INTS9: variants seen among roughly 807,000 people sequenced by gnomAD.
INTS9 encodes integrator complex subunit 9, also known as protein related to CPSF subunits of 74 kDa.
Under a neutral mutation model 79.7 loss-of-function variants are expected in INTS9, and 55 were observed. The ratio of observed to expected loss-of-function variants is 0.69; its 90% confidence interval spans 0.56 to 0.86. The LOEUF (loss-of-function observed/expected upper bound fraction) is 0.86, where lower values mean the gene tolerates loss of function less well. INTS9 is among the 40% of genes least tolerant of loss of function. The pLI is 0.00. For missense variants in INTS9, 721 were observed against 831.5 expected (o/e 0.87, Z 1.64); for synonymous variants, 319 against 325.2 (o/e 0.98, Z 0.20).
At chr8:28,850,564 T>C (rs553212712) in intron 2 of INTS9, among the ~76,000 whole-genome samples, 1 of 152,356 alleles carries the variant, frequency 6.6e-6, no homozygotes, top group East Asian at 1.9e-4. Flanking sequence ...GAAAGCCTTT[T>C]ATAATTGTCC....
intron 6 of INTS9, among the ~76,000 whole-genome samples, chr8:28,832,300 G>A (rs1483974666): frequency 6.6e-6 from 1 of 152,152 alleles, no homozygotes; most frequent in Non-Finnish European, 1.5e-5. Flanking sequence ...GATCAAGGAG[G>A]CCATTCACAT....
intron 12 of INTS9, among the ~76,000 whole-genome samples, chr8:28,779,455 A>G (rs1803106605): frequency 6.6e-6 from 1 of 152,164 alleles, no homozygotes; most frequent in Admixed American, 6.5e-5. Flanking sequence ...ACAATGATGG[A>G]TCCGGCCAAA....
At position 28,815,723 on chromosome 8, in the gene INTS9, C is replaced by T. The variant is rs73669453; in HGVS notation, c.489-2111G>A. On this transcript the variant is annotated intron_variant, in intron 6 of 16. Transcript: ENST00000521022. ...AAGAGATTTAAACAATTCAAAAGAA[C>T]CTAACAAATGTTGAAGACAGATAAG... Among the ~76,000 whole-genome samples the T allele has an allele frequency of 8.8e-3, 1,332 of 152,096 alleles. 19 individuals carry two copies. Among genetic ancestry groups the T allele is most frequent in the African/African-American group, 0.029 (1,210 of 41,496 alleles).
At chr8:28,855,191 A>C (rs1214414920) in intron 2 of INTS9, among the ~76,000 whole-genome samples, 1 of 152,218 alleles carries the variant, frequency 6.6e-6, no homozygotes, top group African/African-American at 2.4e-5. Flanking sequence ...CTGGAGAAAC[A>C]ATACATGTGA....
intron 5 of INTS9, among the ~76,000 whole-genome samples, 189 bp from the exon 6 acceptor site, chr8:28,835,567 AT>A (rs1806764072): frequency 6.6e-6 from 1 of 152,180 alleles, no homozygotes; most frequent in Non-Finnish European, 1.5e-5. Flanking sequence ...TCACTTTCTT[AT>A]TGCATTTCCA....
At chr8:28,840,592 C>A in intron 4 of INTS9, among the ~76,000 whole-genome samples, 1 of 133,632 alleles carries the variant, frequency 7.5e-6, no homozygotes, top group Non-Finnish European at 1.6e-5. Context: ...CACATATACA[C>A]CATGGAATAC....
At chr8:28,826,991 A>G (rs1343604617) in intron 6 of INTS9, among the ~76,000 whole-genome samples, 1 of 152,094 alleles carries the variant, frequency 6.6e-6, no homozygotes, top group Non-Finnish European at 1.5e-5. Flanking sequence ...TGCTTCCTCT[A>G]TCTCCTAACA....
Position 28,812,470 on chromosome 8 carries a change from G to A in INTS9, c.610-9C>T. On this transcript the variant is annotated splice_polypyrimidine_tract_variant and intron_variant, in intron 7 of 16. Transcript: ENST00000521022. Reference sequence around the variant, plus strand: ...ACCGCACCAAAAAGCTCCTAAAAGAGAACCACAGTAAGAATGTGCAATGAG... The same window carrying A: ...ACCGCACCAAAAAGCTCCTAAAAGAAAACCACAGTAAGAATGTGCAATGAG... The A allele has an allele frequency of 1.9e-6, 3 of 1,612,610 alleles. No homozygotes were observed. The highest frequency in any genetic ancestry group is 2.5e-6 in the Non-Finnish European group (3 of 1,179,548).
intron 1 of INTS9, among the ~76,000 whole-genome samples, chr8:28,874,500 A>G (rs1460038059): frequency 2.6e-5 from 4 of 151,948 alleles, no homozygotes; most frequent in Non-Finnish European, 5.9e-5. Context: ...TCACTGTGTT[A>G]GTCAGGATGG....
intron 1 of INTS9, among the ~76,000 whole-genome samples, chr8:28,868,628 T>C (rs1167793297): frequency 6.6e-6 from 1 of 152,224 alleles, no homozygotes; most frequent in Non-Finnish European, 1.5e-5. Flanking sequence ...AATGAATCCC[T>C]AAATTCTATG....
Position 28,796,592 on chromosome 8 carries a change from G to A in INTS9, c.808C>T (p.Pro270Ser). The change falls in exon 9 of 17, where the codon CCC becomes TCC. Residue 270 changes from proline (P) to serine (S), a missense_variant. This residue lies in a region of INTS9 where 149 missense variants were observed against 223.7 expected (regional missense o/e 0.67). Coordinates refer to ENST00000521022, the MANE Select transcript of INTS9 (RefSeq NM_018250.4). ...ACCATTCCATCTGGGTTTGCAGTGG[G>A]GATCTGGGTAAGCCCTGTCAGAACA... ...VLVLTGLTQI[P>S]TANPDGMVGE... The A allele has an allele frequency of 1.2e-6, 2 of 1,614,036 alleles. No homozygotes were observed. The highest frequency in any genetic ancestry group is 1.7e-6 in the Non-Finnish European group (2 of 1,179,928).
chr8:28,811,420 G>A (rs996695802), intron 8 of INTS9, among the ~76,000 whole-genome samples: 4 of 144,134 alleles, frequency 2.8e-5, no homozygotes, highest in East Asian at 2.4e-4. Flanking sequence ...CACCATACCC[G>A]GCCTTTTTTT....
At chr8:28,823,185 C>T (rs1302648933) in intron 6 of INTS9, among the ~76,000 whole-genome samples, 1 of 152,202 alleles carries the variant, frequency 6.6e-6, no homozygotes, top group Non-Finnish European at 1.5e-5. Flanking sequence ...CAATATGCCA[C>T]TTCAGCATAA....
At chr8:28,819,572 A>C (rs1403451630) in intron 6 of INTS9, among the ~76,000 whole-genome samples, 1 of 152,190 alleles carries the variant, frequency 6.6e-6, no homozygotes, top group Non-Finnish European at 1.5e-5. Flanking sequence ...TTTACTTCCA[A>C]GTATGTGGTC....
chr8:28,868,588 T>C (rs1808890966), intron 1 of INTS9, among the ~76,000 whole-genome samples: 1 of 152,262 alleles, frequency 6.6e-6, no homozygotes, highest in African/African-American at 2.4e-5. Flanking sequence ...GTACTAGTTC[T>C]AACTTTGCTG....
rs142316448 is a variant in INTS9, at chr8:28,813,668, C to A, written c.489-56G>T. The A allele has an allele frequency of 1.1e-4, 177 of 1,589,430 alleles. No homozygotes were observed. In the African/African-American group the frequency reaches 1.7e-3, roughly 16 times the overall value. ...GTGAACATTTCTTCATGTTCTACAG[C>A]ATTCCTTTCTAGTAATTTGTCCATT... is the stretch of plus-strand genomic sequence containing the variant. On this transcript the variant is annotated intron_variant, in intron 6 of 16. Transcript: ENST00000521022.
At position 28,769,866 on chromosome 8, in the gene INTS9, C is replaced by T. The variant is rs199954892; in HGVS notation, c.1800+23G>A. The T allele has an allele frequency of 2.5e-4, 408 of 1,611,398 alleles. 2 individuals are homozygous for T. The African/African-American group carries it at 4.1e-3, about 16-fold the overall frequency. ...AAGGCTGCCACGTGTGGAGTTTTCA[C>T]GGCACCAGCGAAACCAGCTCACCTT... On this transcript the variant is annotated intron_variant, in intron 16 of 16. Transcript: ENST00000521022.
chr8:28,781,233 T>C (rs1803244123), intron 11 of INTS9, among the ~76,000 whole-genome samples: 1 of 152,010 alleles, frequency 6.6e-6, no homozygotes, highest in Admixed American at 6.6e-5. Context: ...GCAAAAAACC[T>C]GAACAGACAC....
chr8:28,806,874 A>G (rs548447041), intron 8 of INTS9, among the ~76,000 whole-genome samples: 1 of 152,222 alleles, frequency 6.6e-6, no homozygotes, highest in Non-Finnish European at 1.5e-5. Context: ...GTAAAATTAT[A>G]CTAAGAAACC....
Sources: gnomAD v4.1 joint callset for allele counts (sites outside exome capture counted in the v4.1 genomes callset) on GRCh38, gnomAD v4.1.1 for gene constraint, gnomAD v4.1.1 regional missense constraint, MANE v1.5 for transcripts, NCBI Gene and HGNC (gene_info 2026-07-23, HGNC 2026-07-21) for gene names.